Variants in TESC observed in about 807,000 individuals in gnomAD.
The protein encoded by TESC is tescalcin, also known as calcineurin B homologous protein 3.
In TESC, 19 loss-of-function variants were observed where a neutral mutation model predicts 31.0. That is an observed-to-expected ratio of 0.61 (90% CI 0.43 to 0.90). The LOEUF (loss-of-function observed/expected upper bound fraction) is 0.90, where lower values mean the gene tolerates loss of function less well. TESC is among the 40% of genes least tolerant of loss of function. The pLI is 0.00. For missense variants in TESC, 248 were observed against 303.8 expected, an observed-to-expected ratio of 0.82 and a Z score of 1.36; for synonymous variants, 109 against 114.8, an observed-to-expected ratio of 0.95 and a Z score of 0.32.
At chr12:117,045,925 A>G (rs1420569444) in intron 6 of TESC, among the ~76,000 whole-genome samples, 1 of 152,198 alleles carries the variant, frequency 6.6e-6, no homozygotes, top group Non-Finnish European at 1.5e-5. Context: ...TTACAAGAGA[A>G]AATCCACCCT....
chr12:117,093,560 C>T (rs953282346), intron 1 of TESC, among the ~76,000 whole-genome samples: 5 of 152,216 alleles, frequency 3.3e-5, no homozygotes, highest in Admixed American at 1.3e-4. Context: ...CACCAGCCTG[C>T]GACTCTACTT....
At position 117,056,814 on chromosome 12, in the gene TESC, G is replaced by A. The variant is rs201076865; in HGVS notation, c.201C>T (p.Phe67=). The part of the protein sequence containing the change: ...PIRSKIVRAF[F]DNRNLRKGPS... Reference sequence around the variant, plus strand: ...CAGGGGAAAACGCCCACCTGTTGTCGAAGAAGGCACGAACAATTTTGGATC... The same window carrying A: ...CAGGGGAAAACGCCCACCTGTTGTCAAAGAAGGCACGAACAATTTTGGATC... Residue 67 remains phenylalanine (F), a synonymous_variant, in exon 3 of 8, where the codon TTC becomes TTT. Transcript: ENST00000335209. 117 of 1,614,014 alleles carry A rather than the reference G, an allele frequency of 7.2e-5. No individual in the cohort carries two copies. The highest frequency in any genetic ancestry group is 9.2e-5 in the Non-Finnish European group (109 of 1,180,014).
chr12:117,040,689 C>T (rs749441170), intron 7 of TESC, among the ~76,000 whole-genome samples: 1 of 152,218 alleles, frequency 6.6e-6, no homozygotes, highest in Non-Finnish European at 1.5e-5. Context: ...CTGCCAGCCC[C>T]GGGGTGGGCC....
intron 1 of TESC, among the ~76,000 whole-genome samples, chr12:117,075,869 ATGTGTG>A (rs869236765): frequency 1.6e-4 from 5 of 31,444 alleles, no homozygotes; most frequent in African/African-American, 3.3e-4. Flanking sequence ...ATATATATAT[ATGTGTG>A]TATATATATA....
intron 6 of TESC, among the ~76,000 whole-genome samples, chr12:117,042,205 T>C (rs2062529): frequency 0.16 from 24,793 of 152,200 alleles, 2,107 homozygotes; most frequent in Middle Eastern, 0.22. Context: ...TCCTCATTCA[T>C]GGGCTTGAGG....
At chr12:117,048,673 C>T (rs2291911) in intron 4 of TESC, 174,344 of 485,108 alleles carry the variant, frequency 0.36, 34,562 homozygotes, top group African/African-American at 0.62. Context: ...CACGCATGAT[C>T]GGCATACCCA....
intron 1 of TESC, among the ~76,000 whole-genome samples, chr12:117,075,937 A>G (rs57008819): frequency 0.01 from 1,031 of 99,160 alleles, 66 homozygotes; most frequent in African/African-American, 0.043. Context: ...ATATATATAT[A>G]TATGTATATA....
Position 117,069,190 on chromosome 12 carries a change from C to G in TESC, c.128+6081G>C, listed in dbSNP as rs143878739. On this transcript the variant is annotated intron_variant, in intron 2 of 7. Transcript: ENST00000335209. ...CTGGATGAATTCAGGTCTTGAGGAT[C>G]CTGAAGCATATACGATTTGGGGGTT... 5.5e-4 allele frequency among the ~76,000 whole-genome samples: 84 copies of G among 151,968 alleles called. 1 individual carries two copies. In the East Asian group the frequency reaches 0.015, roughly 27 times the overall value.
rs564679614 is a variant in TESC at position 117,041,238 on chromosome 12, G to A, written c.567+709C>T. ...TTTTAGGACACAGCGAGGAAGGCCC[G>A]GGCGCAACGTGTGCAGTCAGCTCCA... On this transcript the variant is annotated intron_variant, in intron 7 of 7. Coordinates refer to ENST00000335209, the MANE Select transcript of TESC (RefSeq NM_017899.4). 1.4e-4 allele frequency among the ~76,000 whole-genome samples: 21 copies of A among 152,316 alleles called. No individual in the cohort carries two copies. The South Asian group carries it at 2.3e-3, about 17-fold the overall frequency.
intron 2 of TESC, among the ~76,000 whole-genome samples, chr12:117,072,470 C>G (rs376143149): frequency 2.0e-5 from 3 of 152,206 alleles, no homozygotes; most frequent in African/African-American, 7.2e-5. Context: ...AAGGAAGTAA[C>G]CAGCCCGAAG....
At chr12:117,039,930 C>T (rs574060774) in intron 7 of TESC, among the ~76,000 whole-genome samples, 1 of 152,350 alleles carries the variant, frequency 6.6e-6, no homozygotes, top group East Asian at 1.9e-4. Context: ...TGCCCGCCAG[C>T]GCCTTAGCAA....
intron 3 of TESC, among the ~76,000 whole-genome samples, chr12:117,055,020 G>A (rs1049170637): frequency 6.6e-6 from 1 of 152,056 alleles, no homozygotes; most frequent in Non-Finnish European, 1.5e-5. Flanking sequence ...ACTGAGGCTC[G>A]AGCTCTGGCC....
chr12:117,062,227 A>ATTTTTTTTTTTTTTT, intron 2 of TESC, among the ~76,000 whole-genome samples: 1 of 147,712 alleles, frequency 6.8e-6, no homozygotes, highest in South Asian at 2.1e-4. Flanking sequence ...TATTTTCTTA[A>ATTTTTTTTTTTTTTT]TTTTTTTTTT....
chr12:117,080,232 C>T (rs1421478816), intron 1 of TESC, among the ~76,000 whole-genome samples: 1 of 152,140 alleles, frequency 6.6e-6, no homozygotes, highest in Non-Finnish European at 1.5e-5. Context: ...CTTCGGGAGG[C>T]TGAGGTAGGT....
intron 3 of TESC, among the ~76,000 whole-genome samples, chr12:117,050,642 T>C (rs1042290367): frequency 5.9e-5 from 9 of 152,226 alleles, no homozygotes; most frequent in Non-Finnish European, 1.3e-4. Context: ...CAGTTGTTAA[T>C]AGCTCGGAGG....
At chr12:117,083,923 A>G (rs1171696634) in intron 1 of TESC, 1 of 152,102 alleles carries the variant, frequency 6.6e-6, no homozygotes, top group Non-Finnish European at 1.5e-5. Flanking sequence ...ATGAGACCCC[A>G]TCTCTACTGA....
chr12:117,054,629 C>A (rs1027790996), intron 3 of TESC, among the ~76,000 whole-genome samples: 1 of 152,164 alleles, frequency 6.6e-6, no homozygotes, highest in East Asian at 1.9e-4. Flanking sequence ...GCTGAAGGAC[C>A]CCTCTCCCCG....
rs1955063330 is a variant in TESC, at chr12:117,075,921, G to GTA, written c.59-582_59-581insTA. ...TATATATATATATATATATGTGTGT[G>GTA]TGTATATATATATATATATGTATAT... On this transcript the variant is annotated intron_variant, in intron 1 of 7. Transcript: ENST00000335209. Among the ~76,000 whole-genome samples the GTA allele has an allele frequency of 6.3e-5, 5 of 79,852 alleles. 1 individual carries two copies. Among genetic ancestry groups the GTA allele is most frequent in the African/African-American group, 3.8e-4 (5 of 12,992 alleles). The allele number at this position is 79,852 out of a possible 152,430, so 52.4% of individuals were successfully genotyped here. A position where few individuals can be genotyped will look rare whatever the true frequency, so the allele number is the denominator to read the frequency against.
chr12:117,084,227 G>A (rs1391363314), intron 1 of TESC: 2 of 152,166 alleles, frequency 1.3e-5, no homozygotes, highest in Admixed American at 1.3e-4. Flanking sequence ...TGTAAAAACT[G>A]TTTAACCTTG....
Sources: allele counts gnomAD v4.1 joint callset (sites outside exome capture counted in the v4.1 genomes callset), GRCh38; gene constraint gnomAD v4.1.1; transcripts MANE v1.5; gene names NCBI Gene and HGNC (gene_info 2026-07-23, HGNC 2026-07-21).